Variants in WDR44 observed in about 807,000 individuals in gnomAD.
WDR44 encodes the protein WD repeat domain 44, also known as WD repeat-containing protein 44.
In WDR44, 9 loss-of-function variants were observed where a neutral mutation model predicts 65.7. The observed-to-expected ratio is 0.14, with a 90% CI of 0.08 to 0.24. The LOEUF (loss-of-function observed/expected upper bound fraction) is 0.24, where lower values mean the gene tolerates loss of function less well. Ranked by LOEUF, WDR44 falls within the 10% of genes least tolerant of loss-of-function variation. The probability of loss-of-function intolerance (pLI) is 1.00; values close to 1 mark genes in which losing one functional copy is unlikely to be tolerated. For synonymous variants in WDR44, 220 were observed against 235.2 expected (o/e 0.94, Z 0.59); for missense variants, 425 against 670.9 (o/e 0.63, Z 4.05).
chrX:118,401,499 C>T (rs1200058340), intron 8 of WDR44, among the ~76,000 whole-genome samples: 36 of 84,594 alleles, frequency 4.3e-4, no homozygotes, highest in African/African-American at 1.7e-3. Context: ...TGTCCTTCGC[C>T]CACTTTTTGA....
Position 118,346,576 on chromosome X carries a change from G to A in WDR44, c.73G>A (p.Val25Met), listed in dbSNP as rs187698818. ...TGTGCACCTAGGGGGCGGCTACCCC[G>A]TGGGGTAAGTGACTGCAGCTATGAC... ...EDVHLGGGYPVGSPGKVGLST... is the reference protein window; with the variant it reads ...EDVHLGGGYPMGSPGKVGLST... The change falls in exon 1 of 20, where the codon GTG (valine) becomes ATG (methionine). Residue 25 changes from valine to methionine, a missense_variant. Val to Met is a conservative substitution (Grantham distance 21). Around this residue, in one of 5 missense-constraint regions of WDR44, gnomAD observed 193 missense variants for 209.0 expected, o/e 0.92. Transcript: ENST00000254029. 782 of 1,180,066 alleles carry A rather than the reference G, an allele frequency of 6.6e-4. No individual in the cohort carries two copies. Among genetic ancestry groups the A allele is most frequent in the Middle Eastern group, 5.5e-3 (23 of 4,215 alleles).
intron 12 of WDR44, among the ~76,000 whole-genome samples, chrX:118,425,209 G>A (rs1218947227): frequency 8.9e-6 from 1 of 112,080 alleles, no homozygotes; most frequent in Non-Finnish European, 1.9e-5. Context: ...AGATGTCGAT[G>A]CGGGGATCAG....
At chrX:118,403,967 T>C (rs2056941564) in intron 8 of WDR44, among the ~76,000 whole-genome samples, 1 of 112,038 alleles carries the variant, frequency 8.9e-6, no homozygotes, top group Non-Finnish European at 1.9e-5. Flanking sequence ...AAAGCAGCCT[T>C]CTCAAAGCAG....
At position 118,398,377 on chromosome X, in the gene WDR44, C is replaced by A; in HGVS notation, c.1191-10C>A. On this transcript the variant is annotated splice_polypyrimidine_tract_variant and intron_variant, in intron 7 of 19. Coordinates refer to ENST00000254029, the MANE Select transcript of WDR44 (RefSeq NM_019045.5). Reference sequence around the variant, plus strand: ...ATGGCTTCTTTTAAAACAACTTCCCCTTCTTACAGTAATGACGCGGCACAG... The same window carrying A: ...ATGGCTTCTTTTAAAACAACTTCCCATTCTTACAGTAATGACGCGGCACAG... 8.3e-7 allele frequency: 1 copy of A among 1,202,913 alleles called. No individual in the cohort carries two copies.
chrX:118,406,693 C>G (rs1398512102), intron 9 of WDR44, among the ~76,000 whole-genome samples, 182 bp from the exon 10 acceptor site: 2 of 111,660 alleles, frequency 1.8e-5, no homozygotes, highest in Non-Finnish European at 3.8e-5. Flanking sequence ...TAATAAATGA[C>G]AGAGCTGGAT....
At chrX:118,430,174 G>T (rs1165845532) in intron 12 of WDR44, among the ~76,000 whole-genome samples, 1 of 103,934 alleles carries the variant, frequency 9.6e-6, no homozygotes, top group African/African-American at 3.6e-5. Context: ...TAGCAGGTTT[G>T]GGGTGATGTT....
chrX:118,352,561 A>G (rs746726388), intron 1 of WDR44, among the ~76,000 whole-genome samples: 88 of 106,360 alleles, frequency 8.3e-4, no homozygotes, highest in African/African-American at 2.9e-3. Context: ...GGTCTTAAAC[A>G]GAAAATAATT....
chrX:118,402,628 A>G (rs2056929450), intron 8 of WDR44, among the ~76,000 whole-genome samples: 1 of 109,293 alleles, frequency 9.1e-6, no homozygotes, highest in African/African-American at 3.3e-5. Flanking sequence ...TGTGCCTGTA[A>G]TCCCAGCAAC....
chrX:118,418,955 G>T (rs964402934), intron 12 of WDR44, among the ~76,000 whole-genome samples: 10 of 110,458 alleles, frequency 9.1e-5, no homozygotes, highest in Non-Finnish European at 1.3e-4. Context: ...CAGGTTGTCA[G>T]GGAAGCGGGG....
intron 5 of WDR44, 77 bp downstream of exon 5, chrX:118,394,262 G>C: frequency 8.6e-7 from 1 of 1,161,911 alleles, no homozygotes; most frequent in Non-Finnish European, 1.2e-6. Context: ...TGATTATTCT[G>C]TATTCTCCAG....
intron 1 of WDR44, among the ~76,000 whole-genome samples, chrX:118,349,690 T>C (rs1172314460): frequency 9.0e-6 from 1 of 110,776 alleles, no homozygotes; most frequent in Non-Finnish European, 1.9e-5. Flanking sequence ...CCTGAGTAGC[T>C]GGGACTACAG....
chrX:118,374,925 T>C (rs1487845529), intron 1 of WDR44, among the ~76,000 whole-genome samples: 1 of 111,771 alleles, frequency 8.9e-6, no homozygotes, highest in Non-Finnish European at 1.9e-5. Flanking sequence ...GTAGAAACAA[T>C]ATTGAAGCAA....
chrX:118,377,722 TC>T (rs1322503434), intron 1 of WDR44, among the ~76,000 whole-genome samples: 1 of 74,524 alleles, frequency 1.3e-5, no homozygotes, highest in Admixed American at 1.7e-4. Flanking sequence ...TTCTTCTCTC[TC>T]TTTTTTTTTT....
At chrX:118,414,146 C>T (rs1321882777) in intron 12 of WDR44, among the ~76,000 whole-genome samples, 1 of 109,544 alleles carries the variant, frequency 9.1e-6, no homozygotes, top group African/African-American at 3.3e-5. Flanking sequence ...CTTAGTCTTG[C>T]TTTGGCTGTG....
intron 8 of WDR44, among the ~76,000 whole-genome samples, chrX:118,403,852 A>G (rs746643652): frequency 8.9e-6 from 1 of 112,240 alleles, no homozygotes; most frequent in Non-Finnish European, 1.9e-5. Flanking sequence ...CCAAACTGAA[A>G]GAGAAGGGAC....
chrX:118,352,309 C>T (rs1171689227), intron 1 of WDR44, among the ~76,000 whole-genome samples: 14 of 70,812 alleles, frequency 2.0e-4, no homozygotes, highest in Non-Finnish European at 2.5e-5. Context: ...ACCACCACGC[C>T]CAGCTAATTT....
intron 9 of WDR44, among the ~76,000 whole-genome samples, chrX:118,404,911 A>G (rs1362818757): frequency 9.0e-6 from 1 of 111,319 alleles, no homozygotes; most frequent in African/African-American, 3.3e-5. Flanking sequence ...TGTGTTAGCC[A>G]GGATGGTCTC....
At chrX:118,358,152 G>T (rs995932374) in intron 1 of WDR44, among the ~76,000 whole-genome samples, 20 of 112,353 alleles carry the variant, frequency 1.8e-4, no homozygotes, top group South Asian at 1.5e-3. Context: ...GTTGTAGAAA[G>T]AATGTTTGGC....
intron 8 of WDR44, 137 bp from the exon 9 acceptor site, chrX:118,404,201 A>G: frequency 2.3e-6 from 1 of 436,394 alleles, no homozygotes; most frequent in Non-Finnish European, 4.0e-6. Context: ...GGGATTTGGA[A>G]CTCAAACACC....
Sources: allele counts gnomAD v4.1 joint callset (sites outside exome capture counted in the v4.1 genomes callset), GRCh38; gene constraint gnomAD v4.1.1; regional missense constraint gnomAD v4.1.1; transcripts MANE v1.5; gene names NCBI Gene and HGNC (gene_info 2026-07-23, HGNC 2026-07-21).